The following WNK1 variants were observed in gnomAD, a reference collection of about 807,000 sequenced individuals.
WNK1 encodes the protein serine/threonine-protein kinase WNK1.
A neutral mutation model predicts 222.8 loss-of-function variants in WNK1; 38 were observed. That is an observed-to-expected ratio of 0.17 (90% CI 0.13 to 0.22). WNK1 has a LOEUF of 0.22. WNK1 is among the 10% of genes least tolerant of loss of function. WNK1 has a pLI of 1.00. For synonymous variants in WNK1, 1,090 were observed against 1,092.9 expected (o/e 1.00, Z 0.05); for missense variants, 2,348 against 2,918.4 (o/e 0.80, Z 4.50).
At position 861,167 on chromosome 12, in the gene WNK1, A is replaced by T; in HGVS notation, c.1775A>T (p.Gln592Leu). 2.5e-6 allele frequency: 4 copies of T among 1,614,010 alleles called. No homozygotes were observed. The highest frequency in any genetic ancestry group is 3.4e-6 in the Non-Finnish European group (4 of 1,179,992). Residue 592 changes from glutamine to leucine, a missense_variant, in exon 7 of 28, where the codon CAG (glutamine) becomes CTG (leucine). Physicochemically the swap from Gln to Leu is moderately radical, Grantham distance 113. Transcript: ENST00000315939. ...KKQEESSLKQ[Q>L]VEQSSASQTG... ...CAGGAAGAGAGCAGTCTCAAACAGC[A>T]GGTAGAACAATCCAGTGCTTCCCAG...
At chr12:839,589 A>G (rs1949459202) in intron 4 of WNK1, among the ~76,000 whole-genome samples, 1 of 152,220 alleles carries the variant, frequency 6.6e-6, no homozygotes, top group African/African-American at 2.4e-5. Flanking sequence ...ATGCTCATGT[A>G]CATATATATA....
At chr12:843,121 A>G (rs1449156829) in intron 4 of WNK1, among the ~76,000 whole-genome samples, 2 of 152,120 alleles carry the variant, frequency 1.3e-5, no homozygotes, top group Non-Finnish European at 2.9e-5. Flanking sequence ...TTTTTAGTTA[A>G]AACGGGGGTT....
chr12:793,339 T>C (rs1945017581), intron 1 of WNK1, among the ~76,000 whole-genome samples: 1 of 152,200 alleles, frequency 6.6e-6, no homozygotes, highest in Non-Finnish European at 1.5e-5. Flanking sequence ...TAGAAAAGCC[T>C]ATAAAGTTAA....
In WNK1 at chr12:871,069, ATGT is replaced by A. The variant is rs1435694417; in HGVS notation, c.2140-192_2140-190del. Among the ~76,000 whole-genome samples the A allele has an allele frequency of 3.3e-5, 5 of 152,212 alleles. No homozygotes were observed. In the East Asian group the frequency reaches 5.8e-4, roughly 18 times the overall value. On this transcript the variant is annotated intron_variant, in intron 8 of 27. Coordinates refer to ENST00000315939, the MANE Select transcript of WNK1 (RefSeq NM_018979.4). ...GTTTTGCATGGGTTGGGATCAGAAC[ATGT>A]TGTGTGGTATGATCCTTTTCTAAAT...
chr12:793,187 A>G (rs1278804049), intron 1 of WNK1, among the ~76,000 whole-genome samples: 1 of 152,208 alleles, frequency 6.6e-6, no homozygotes, highest in African/African-American at 2.4e-5. Flanking sequence ...AGTAAAAATG[A>G]CTGTTACCAA....
chr12:890,591 A>G, intron 22 of WNK1, 78 bp downstream of exon 22: 2 of 1,511,492 alleles, frequency 1.3e-6, no homozygotes, highest in Non-Finnish European at 1.8e-6. Flanking sequence ...TACCGTTTCA[A>G]AGACACATTT....
At chr12:841,493 T>C (rs1392993985) in intron 4 of WNK1, among the ~76,000 whole-genome samples, 2 of 152,238 alleles carry the variant, frequency 1.3e-5, no homozygotes, top group African/African-American at 4.8e-5. Flanking sequence ...CATTTTGTTC[T>C]ATTCAGCAGG....
intron 21 of WNK1, among the ~76,000 whole-genome samples, chr12:889,907 GCAAT>G (rs1954047670): frequency 6.6e-6 from 1 of 150,478 alleles, no homozygotes; most frequent in Admixed American, 6.6e-5. Flanking sequence ...AATTAAGAAA[GCAAT>G]CAAGAATTAA....
At chr12:831,264 G>A (rs948102275) in intron 4 of WNK1, among the ~76,000 whole-genome samples, 5 of 152,190 alleles carry the variant, frequency 3.3e-5, no homozygotes, top group Non-Finnish European at 7.4e-5. Flanking sequence ...AGGGCCGGGC[G>A]TGGTGGCTTA....
chr12:906,173 A>T, intron 26 of WNK1: 1 of 388,554 alleles, frequency 2.6e-6, no homozygotes, highest in Non-Finnish European at 3.5e-6. Flanking sequence ...CTTAAGGACT[A>T]GTGGTTCACA....
At chr12:877,052 A>ATTT (rs34011207) in intron 9 of WNK1, among the ~76,000 whole-genome samples, 4 of 77,104 alleles carry the variant, frequency 5.2e-5, no homozygotes, top group Admixed American at 1.8e-4. Flanking sequence ...CCTAAACTTC[A>ATTT]TTTTTTTTTT....
chr12:895,895 CTA>C (rs1351445942), intron 23 of WNK1, among the ~76,000 whole-genome samples, 174 bp from the exon 24 acceptor site: 1 of 152,218 alleles, frequency 6.6e-6, no homozygotes, highest in East Asian at 1.9e-4. Flanking sequence ...CATGTGTTCT[CTA>C]TGATGGTATT....
Position 827,071 on chromosome 12 carries a change from T to G in WNK1, c.962T>G (p.Ile321Ser). 6.2e-7 allele frequency: 1 copy of G among 1,613,828 alleles called. No individual in the cohort carries two copies. Among genetic ancestry groups the G allele is most frequent in the Admixed American group, 1.7e-5 (1 of 60,028 alleles). The stretch of plus-strand genomic sequence containing the variant: ...CTGAAAAGGTTTAAAGTGATGAAGA[T>G]CAAAGTTCTAAGAAGCTGGTGCCGT... ...TYLKRFKVMK[I>S]KVLRSWCRQI... Residue 321 changes from isoleucine (I) to serine (S), a missense_variant, in exon 3 of 28, where the codon ATC becomes AGC. By Grantham distance (142) the Ile-to-Ser change is moderately radical. Transcript: ENST00000315939. The surrounding 1 kb of genome is among the most constrained non-coding windows in gnomAD (Gnocchi z 4.6).
At position 864,326 on chromosome 12, in the gene WNK1, G is replaced by A. The variant is rs1469051475; in HGVS notation, c.2139+2056G>A. Among the ~76,000 whole-genome samples the A allele has an allele frequency of 2.0e-5, 3 of 151,932 alleles. No homozygotes were observed. In the East Asian group the frequency reaches 5.8e-4, roughly 29 times the overall value. On this transcript the variant is annotated intron_variant, in intron 8 of 27. Transcript: ENST00000315939. Reference sequence around the variant, plus strand: ...CAGTTTCACCGTGTTGGCTAGGCTGGTCTTGAACTCTTGACCTCAAGTGAT... The same window carrying A: ...CAGTTTCACCGTGTTGGCTAGGCTGATCTTGAACTCTTGACCTCAAGTGAT...
intron 15 of WNK1, 97 bp downstream of exon 15, chr12:883,156 T>C: frequency 9.4e-7 from 1 of 1,061,226 alleles, no homozygotes; most frequent in Non-Finnish European, 1.5e-6. Context: ...TCCATGTTTT[T>C]TTAAAGTTAT....
chr12:803,727 A>G (rs996023774), intron 1 of WNK1, among the ~76,000 whole-genome samples: 4 of 152,186 alleles, frequency 2.6e-5, no homozygotes, highest in African/African-American at 7.2e-5. Flanking sequence ...ACAGAGTGAG[A>G]CTCCATCTCA....
chr12:764,123 G>C (rs113221292), intron 1 of WNK1, among the ~76,000 whole-genome samples: 9 of 147,188 alleles, frequency 6.1e-5, no homozygotes, highest in Admixed American at 5.4e-4. Flanking sequence ...AATGAGATAC[G>C]CTAGGGAGAG....
chr12:895,383 C>T (rs1954647067), intron 23 of WNK1, among the ~76,000 whole-genome samples: 2 of 152,236 alleles, frequency 1.3e-5, no homozygotes, highest in Non-Finnish European at 2.9e-5. Flanking sequence ...TTCTTATTCA[C>T]AGGCAACCCT....
At position 754,237 on chromosome 12, in the gene WNK1, C is replaced by T; in HGVS notation, c.672C>T (p.Asp224=). 6.2e-7 allele frequency: 1 copy of T among 1,613,756 alleles called. No homozygotes were observed. Among genetic ancestry groups the T allele is most frequent in the Non-Finnish European group, 8.5e-7 (1 of 1,180,044 alleles). Residue 224 remains aspartate, a synonymous_variant, in exon 1 of 28, where the codon GAC becomes GAT. Coordinates refer to ENST00000315939, the MANE Select transcript of WNK1 (RefSeq NM_018979.4). ...MSNDGRFLKF[D]IEIGRGSFKT... is the part of the protein sequence containing the mutation. ...ACGATGGCCGCTTTCTCAAGTTTGA[C>T]ATCGAAATCGGCAGAGGCTCCTTTA... is the stretch of plus-strand genomic sequence containing the variant.
Sources: allele counts gnomAD v4.1 joint callset (sites outside exome capture counted in the v4.1 genomes callset), GRCh38; gene constraint gnomAD v4.1.1; non-coding constraint Gnocchi (gnomAD v3.1); transcripts MANE v1.5; gene names NCBI Gene and HGNC (gene_info 2026-07-23, HGNC 2026-07-21).